The following TRANK1 variants were observed in gnomAD, a reference collection of about 807,000 sequenced individuals.
TRANK1 encodes the protein TPR and ankyrin repeat-containing protein 1.
In TRANK1, 198 loss-of-function variants were observed where a neutral mutation model predicts 266.0. That is an observed-to-expected ratio of 0.74 (90% confidence interval 0.66 to 0.84). TRANK1 has a LOEUF of 0.84. TRANK1 is among the 40% of genes least tolerant of loss of function. TRANK1 has a pLI of 0.00. For synonymous variants in TRANK1, 1,396 were observed against 1,384.1 expected (o/e 1.01, Z -0.19); for missense variants, 3,326 against 3,634.6 (o/e 0.92, Z 2.18).
intron 3 of TRANK1, among the ~76,000 whole-genome samples, chr3:36,900,863 A>AAAAAAAAAAAAAAAAAAAAAAC: frequency 6.8e-6 from 1 of 147,296 alleles, no homozygotes. Flanking sequence ...AAAAAAAAAA[A>AAAAAAAAAAAAAAAAAAAAAAC]AAAAAAAAAA....
rs376721812 is a variant in TRANK1, at chr3:36,850,104, A to G, written c.4887+1615T>C. ...AGAGCTCCTTGAGCTTCTTACTCGC[A>G]CAAGCATACAACTGGTACTTAATAA... On this transcript the variant is annotated intron_variant, in intron 15 of 23. Coordinates refer to ENST00000645898, the MANE Select transcript of TRANK1 (RefSeq NM_001329998.2). The G allele has an allele frequency of 1.0e-3, 983 of 985,442 alleles. 7 individuals carry two copies. The African/African-American group carries it at 0.015, about 15-fold the overall frequency. The allele number at this position is 985,442 out of a possible 1,614,324, so 61.0% of individuals were successfully genotyped here.
intron 9 of TRANK1, among the ~76,000 whole-genome samples, chr3:36,871,859 G>C (rs746093174): frequency 1.3e-5 from 2 of 152,154 alleles, no homozygotes; most frequent in Non-Finnish European, 2.9e-5. Context: ...TCTGGCAATT[G>C]CAATAATCTG....
intron 10 of TRANK1, among the ~76,000 whole-genome samples, chr3:36,862,024 A>T (rs371101654): frequency 2.6e-5 from 4 of 152,284 alleles, no homozygotes; most frequent in Admixed American, 1.3e-4. Context: ...AAACATTTTA[A>T]CAGATCTTCA....
chr3:36,827,408 G>A lies in TRANK1; in HGVS notation c.*867C>T, dbSNP rs1316416902. The stretch of plus-strand genomic sequence containing the variant: ...CAGAACGTCAGCCTAAGCTAGGGTA[G>A]CGAACTTGCCAGGGAGAACCAAGAA... On this transcript the variant is annotated 3_prime_UTR_variant, in exon 24 of 24. Coordinates refer to ENST00000645898, the MANE Select transcript of TRANK1 (RefSeq NM_001329998.2). The A allele has an allele frequency of 6.6e-6, 1 of 152,332 alleles. No individual in the cohort carries two copies. The highest frequency in any genetic ancestry group is 1.5e-5 in the Non-Finnish European group (1 of 68,120). The allele number at this position is 152,332 out of a possible 1,614,324, so 9.4% of individuals were successfully genotyped here. A position where few individuals can be genotyped will look rare whatever the true frequency, so the allele number is the denominator to read the frequency against.
chr3:36,850,924 G>A (rs765701998), intron 15 of TRANK1: 63 of 985,388 alleles, frequency 6.4e-5, no homozygotes, highest in Non-Finnish European at 7.5e-5. Context: ...CAAGGACTGG[G>A]ACACAGCCAG....
chr3:36,922,002 C>G (rs2125650333), intron 1 of TRANK1, among the ~76,000 whole-genome samples: 1 of 152,228 alleles, frequency 6.6e-6, no homozygotes, highest in Admixed American at 6.5e-5. Flanking sequence ...AAAAAATTAG[C>G]CAAACATGGT....
intron 20 of TRANK1, among the ~76,000 whole-genome samples, chr3:36,836,694 TC>T (rs1372799199): frequency 1.3e-5 from 2 of 152,194 alleles, no homozygotes; most frequent in African/African-American, 4.8e-5. Context: ...TCTACGAGAC[TC>T]TTCTTCCTAT....
intron 15 of TRANK1, among the ~76,000 whole-genome samples, chr3:36,847,962 T>A (rs1452392517): frequency 6.6e-6 from 1 of 152,252 alleles, no homozygotes; most frequent in African/African-American, 2.4e-5. Context: ...GTCAAATGTC[T>A]AGTACAATGT....
intron 1 of TRANK1, among the ~76,000 whole-genome samples, chr3:36,924,876 C>G (rs1175813948): frequency 6.6e-6 from 1 of 152,244 alleles, no homozygotes; most frequent in South Asian, 2.1e-4. Flanking sequence ...GACAGAATCC[C>G]AAACCCCAGT....
At position 36,874,238 on chromosome 3, in the gene TRANK1, A is replaced by T. The variant is rs2079353201; in HGVS notation, c.966T>A (p.Asp322Glu). 3.3e-6 allele frequency: 5 copies of T among 1,537,066 alleles called. No individual in the cohort carries two copies. The highest frequency in any genetic ancestry group is 1.2e-5 in the South Asian group (1 of 84,046). Residue 322 changes from aspartate to glutamate, a missense_variant, in exon 9 of 24, where the codon GAT becomes GAA. Coordinates refer to ENST00000645898, the MANE Select transcript of TRANK1 (RefSeq NM_001329998.2). The stretch of plus-strand genomic sequence containing the variant: ...CATCCACAACAGACCGAGACTGTCG[A>T]TCCAGCAAAGTGGGATCTGCCCCAA... ...LRFGADPTLLDRQSRSVVDVL... is the reference protein window; with the variant it reads ...LRFGADPTLLERQSRSVVDVL...
chr3:36,833,609 G>C lies in TRANK1; in HGVS notation c.5974C>G (p.Leu1992Val). 1 of 1,613,962 alleles carries C rather than the reference G, an allele frequency of 6.2e-7. No homozygotes were observed. The highest frequency in any genetic ancestry group is 8.5e-7 in the Non-Finnish European group (1 of 1,179,868). Residue 1992 changes from leucine to valine, a missense_variant, in exon 22 of 24, where the codon CTG (leucine) becomes GTG (valine). Transcript: ENST00000645898. The stretch of plus-strand genomic sequence containing the variant: ...ACATTGAGGCGGGCGGCCCCCAGCA[G>C]ACATGAGGCCTGGAAGTCCTTGTCG... ...TADKDFQASC[L>V]LGAARLNVAR...
At chr3:36,934,580 C>G (rs149151975) in intron 1 of TRANK1, among the ~76,000 whole-genome samples, 1 of 152,096 alleles carries the variant, frequency 6.6e-6, no homozygotes, top group African/African-American at 2.4e-5. Flanking sequence ...ACCCTCACCC[C>G]GCCCTGGGTA....
At chr3:36,928,274 G>GT (rs945054192) in intron 1 of TRANK1, among the ~76,000 whole-genome samples, 10 of 152,168 alleles carry the variant, frequency 6.6e-5, no homozygotes, top group African/African-American at 2.4e-4. Context: ...AAGCAACGTG[G>GT]TTTTTTGTTT....
At chr3:36,871,783 A>G (rs1427017178) in intron 9 of TRANK1, among the ~76,000 whole-genome samples, 1 of 152,182 alleles carries the variant, frequency 6.6e-6, no homozygotes, top group African/African-American at 2.4e-5. Context: ...ATAAATGGGG[A>G]AATGGAGTCA....
chr3:36,886,849 CT>C (rs1431525829), intron 8 of TRANK1, among the ~76,000 whole-genome samples: 3 of 149,790 alleles, frequency 2.0e-5, no homozygotes, highest in African/African-American at 7.4e-5. Context: ...TTACTATGGT[CT>C]TTAATTAATG....
intron 1 of TRANK1, among the ~76,000 whole-genome samples, chr3:36,918,384 T>C (rs2080155432): frequency 6.6e-6 from 1 of 151,330 alleles, no homozygotes; most frequent in Admixed American, 6.6e-5. Context: ...AGTGTTAAGA[T>C]GGCAAACTAT....
Position 36,910,798 on chromosome 3 carries a change from A to C in TRANK1, c.24-2344T>G, listed in dbSNP as rs544414889. ...TGCAAAAGACCCAGTGCGCTGGCTCATGCCTGTAATCCCAGCACTTTAGGA... is the reference window on the plus strand; with the variant it reads ...TGCAAAAGACCCAGTGCGCTGGCTCCTGCCTGTAATCCCAGCACTTTAGGA... On this transcript the variant is annotated intron_variant, in intron 1 of 23. Transcript: ENST00000645898. Among the ~76,000 whole-genome samples the C allele has an allele frequency of 5.3e-5, 8 of 152,064 alleles. No individual in the cohort carries two copies. In the South Asian group the frequency reaches 1.5e-3, roughly 28 times the overall value.
At position 36,851,747 on chromosome 3, in the gene TRANK1, A is replaced by G. The variant is rs765456130; in HGVS notation, c.4859T>C (p.Leu1620Pro). Residue 1620 changes from leucine (L) to proline (P), a missense_variant, in exon 15 of 24, where the codon CTC becomes CCC. Physicochemically the swap from Leu to Pro is moderately conservative, Grantham distance 98. Coordinates refer to ENST00000645898, the MANE Select transcript of TRANK1 (RefSeq NM_001329998.2). The part of the protein sequence containing the change: ...EAKGLEFDDV[L>P]LYNFFTDSEA... Reference sequence around the variant, plus strand: ...AGAATCAGTAAAAAAGTTGTAAAGGAGGACATCATCAAATTCTAAGCCTTT... The same window carrying G: ...AGAATCAGTAAAAAAGTTGTAAAGGGGGACATCATCAAATTCTAAGCCTTT... 6.3e-5 allele frequency: 102 copies of G among 1,613,118 alleles called. No homozygotes were observed. Among genetic ancestry groups the G allele is most frequent in the Non-Finnish European group, 8.3e-5 (98 of 1,179,662 alleles).
intron 1 of TRANK1, among the ~76,000 whole-genome samples, chr3:36,941,629 T>C (rs1221082004): frequency 6.6e-6 from 1 of 152,246 alleles, no homozygotes; most frequent in East Asian, 1.9e-4. Context: ...CTGGGCACTG[T>C]GACATTTTTG....
Sources: gnomAD v4.1 joint callset for allele counts (sites outside exome capture counted in the v4.1 genomes callset) on GRCh38, gnomAD v4.1.1 for gene constraint, MANE v1.5 for transcripts, NCBI Gene and HGNC (gene_info 2026-07-23, HGNC 2026-07-21) for gene names.